Variants in SH3GL2 observed in about 807,000 individuals in gnomAD.
The protein encoded by SH3GL2 is SH3 domain containing GRB2 like 2, endophilin A1.
Under a neutral mutation model 46.0 loss-of-function variants are expected in SH3GL2, and 24 were observed. The ratio of observed to expected loss-of-function variants is 0.52; its 90% CI spans 0.38 to 0.73. The LOEUF is 0.73. Among genes scored for constraint, SH3GL2 ranks in the 30% least tolerant of loss-of-function variants. SH3GL2 has a pLI of 0.00. For synonymous variants in SH3GL2, 196 were observed against 147.1 expected (o/e 1.33, Z -2.40); for missense variants, 413 against 424.2 (o/e 0.97, Z 0.23).
chr9:17,742,266 A>G (rs116266664), intron 1 of SH3GL2, among the ~76,000 whole-genome samples: 1,927 of 152,274 alleles, frequency 0.013, 38 homozygotes, highest in African/African-American at 0.045. Flanking sequence ...AGAGGATGGA[A>G]TGTCTTCTGC....
chr9:17,732,687 A>G (rs1822216789), intron 1 of SH3GL2, among the ~76,000 whole-genome samples: 1 of 152,184 alleles, frequency 6.6e-6, no homozygotes, highest in Admixed American at 6.6e-5. Flanking sequence ...CAATAGGCCT[A>G]TAGGCAAAGG....
intron 8 of SH3GL2, among the ~76,000 whole-genome samples, chr9:17,794,394 G>C (rs565286144): frequency 3.3e-4 from 50 of 152,274 alleles, no homozygotes; most frequent in African/African-American, 1.2e-3. Context: ...AAAAAAGCGA[G>C]GTCTGAGCCG....
At chr9:17,774,189 C>CT (rs1823575074) in intron 3 of SH3GL2, among the ~76,000 whole-genome samples, 1 of 152,034 alleles carries the variant, frequency 6.6e-6, no homozygotes, top group African/African-American at 2.4e-5. Flanking sequence ...GTTCTGACAG[C>CT]TTTTTGTGGG....
At chr9:17,746,411 A>G (rs1475656860) in intron 1 of SH3GL2, among the ~76,000 whole-genome samples, 1 of 152,168 alleles carries the variant, frequency 6.6e-6, no homozygotes, top group Non-Finnish European at 1.5e-5. Flanking sequence ...ACATGTGGTT[A>G]GTGACTGTTT....
intron 1 of SH3GL2, among the ~76,000 whole-genome samples, chr9:17,709,276 G>A (rs550151413): frequency 4.1e-4 from 63 of 151,918 alleles, no homozygotes; most frequent in Non-Finnish European, 8.5e-4. Context: ...ATATCCTGTC[G>A]TGGATGGAAT....
At chr9:17,739,959 G>A (rs1287613050) in intron 1 of SH3GL2, among the ~76,000 whole-genome samples, 1 of 152,030 alleles carries the variant, frequency 6.6e-6, no homozygotes, top group African/African-American at 2.4e-5. Flanking sequence ...GAACAAAATA[G>A]GCTGGAAGCT....
At chr9:17,743,600 A>ACACACACACC (rs1554645782) in intron 1 of SH3GL2, among the ~76,000 whole-genome samples, 44 of 146,280 alleles carry the variant, frequency 3.0e-4, no homozygotes, top group Middle Eastern at 3.4e-3. Flanking sequence ...ACACACACAC[A>ACACACACACC]CCCCAAATAG....
intron 2 of SH3GL2, 80 bp downstream of exon 2, chr9:17,747,214 G>A (rs1412666031): frequency 2.4e-5 from 20 of 830,224 alleles, no homozygotes; most frequent in Admixed American, 4.7e-5. Flanking sequence ...AAACGGGAGA[G>A]GGCAACTGTT....
At chr9:17,605,819 T>C (rs1384266427) in intron 1 of SH3GL2, among the ~76,000 whole-genome samples, 1 of 152,198 alleles carries the variant, frequency 6.6e-6, no homozygotes, top group Non-Finnish European at 1.5e-5. Flanking sequence ...AACTAAATGA[T>C]TCCAGAATGA....
intron 1 of SH3GL2, among the ~76,000 whole-genome samples, chr9:17,743,078 G>C (rs1369521594): frequency 2.0e-5 from 3 of 152,166 alleles, no homozygotes; most frequent in Admixed American, 2.0e-4. Context: ...AGGAGAAACA[G>C]AGCTCTTCAT....
At chr9:17,702,929 C>T (rs891810459) in intron 1 of SH3GL2, among the ~76,000 whole-genome samples, 10 of 152,012 alleles carry the variant, frequency 6.6e-5, no homozygotes, top group African/African-American at 2.2e-4. Context: ...GCTGGTTATG[C>T]CACTTGATTA....
chr9:17,620,499 G>A (rs7852205), intron 1 of SH3GL2, among the ~76,000 whole-genome samples: 55,790 of 151,984 alleles, frequency 0.37, 10,698 homozygotes, highest in East Asian at 0.6. Flanking sequence ...CAGAGAAGAT[G>A]AGTAATGGGC....
At chr9:17,794,700 C>T (rs1824230233) in intron 8 of SH3GL2, among the ~76,000 whole-genome samples, 3 of 152,122 alleles carry the variant, frequency 2.0e-5, no homozygotes, top group Non-Finnish European at 2.9e-5. Flanking sequence ...ATTAATACAG[C>T]GGGTCATTTG....
intron 6 of SH3GL2, 35 bp from the exon 7 acceptor site, chr9:17,791,196 T>G (rs758352460): frequency 6.7e-7 from 1 of 1,488,354 alleles, no homozygotes; most frequent in South Asian, 1.1e-5. Flanking sequence ...TGGTAACGTG[T>G]AAAACTAAGG....
In SH3GL2 at chr9:17,733,369, G is replaced by C. The variant is rs561945658; in HGVS notation, c.46-13697G>C. Among the ~76,000 whole-genome samples, 1,004 of 151,826 alleles carry C rather than the reference G, an allele frequency of 6.6e-3. 4 individuals carry two copies. Among genetic ancestry groups the C allele is most frequent in the Non-Finnish European group, 0.01 (705 of 67,930 alleles). On this transcript the variant is annotated intron_variant, in intron 1 of 8. Transcript: ENST00000380607. ...TATACATGTGACATGCTGGTGTGCT[G>C]CACCCACTAACTTGTCATCTAGCAT... is the stretch of plus-strand genomic sequence containing the variant.
chr9:17,741,474 G>A (rs1322699012), intron 1 of SH3GL2, among the ~76,000 whole-genome samples: 1 of 152,100 alleles, frequency 6.6e-6, no homozygotes, highest in South Asian at 2.1e-4. Context: ...TTTAGCCTTG[G>A]CTGTAAGTAA....
intron 2 of SH3GL2, among the ~76,000 whole-genome samples, chr9:17,757,436 C>G (rs1346588698): frequency 6.6e-6 from 1 of 151,950 alleles, no homozygotes; most frequent in Non-Finnish European, 1.5e-5. Context: ...TATCCAGAAT[C>G]TACAAAGAAC....
rs374242322 is a variant in SH3GL2, at chr9:17,671,485, A to G, written c.46-75581A>G. Among the ~76,000 whole-genome samples, 3 of 152,306 alleles carry G rather than the reference A, an allele frequency of 2.0e-5. 1 individual carries two copies. The highest frequency in any genetic ancestry group is 3.9e-4 in the East Asian group (2 of 5,180). ...TACATTGAAAAATAACTAAAACAGT[A>G]TAATTAGATTGATTGTATCACAGAG... On this transcript the variant is annotated intron_variant, in intron 1 of 8. Transcript: ENST00000380607.
rs186409492 is a variant in SH3GL2, at chr9:17,720,554, G to A, written c.46-26512G>A. Among the ~76,000 whole-genome samples the A allele has an allele frequency of 8.1e-4, 123 of 152,164 alleles. 1 individual carries two copies. The highest frequency in any genetic ancestry group is 3.4e-3 in the Middle Eastern group (1 of 294). ...GAACAGTTGGCAGCGCTTATTGGCT[G>A]AACCCTGGTGATTGGCCCAAGAGTT... On this transcript the variant is annotated intron_variant, in intron 1 of 8. Coordinates refer to ENST00000380607, the MANE Select transcript of SH3GL2 (RefSeq NM_003026.5).
Sources: allele counts gnomAD v4.1 joint callset (sites outside exome capture counted in the v4.1 genomes callset), GRCh38; gene constraint gnomAD v4.1.1; transcripts MANE v1.5; gene names NCBI Gene and HGNC (gene_info 2026-07-23, HGNC 2026-07-21).